GMPS: variants seen among roughly 807,000 people sequenced by gnomAD.
GMPS encodes guanosine monophosphate synthase.
A neutral mutation model predicts 77.9 loss-of-function variants in GMPS; 15 were observed. The ratio of observed to expected loss-of-function variants is 0.19; its 90% CI spans 0.13 to 0.30. GMPS has a LOEUF of 0.30. Ranked by LOEUF, GMPS falls within the 10% of genes least tolerant of loss-of-function variation. GMPS has a pLI of 1.00. For missense variants in GMPS, 590 were observed against 838.8 expected (o/e 0.70, Z 3.66); for synonymous variants, 224 against 275.9 (o/e 0.81, Z 1.86).
At chr3:155,891,066 T>C (rs1416545914) in intron 1 of GMPS, among the ~76,000 whole-genome samples, 1 of 152,242 alleles carries the variant, frequency 6.6e-6, no homozygotes, top group African/African-American at 2.4e-5. Flanking sequence ...TCATCTGTTA[T>C]TTACATGGTG....
At chr3:155,874,408 T>G (rs377304428) in intron 1 of GMPS, among the ~76,000 whole-genome samples, 1 of 152,244 alleles carries the variant, frequency 6.6e-6, no homozygotes, top group South Asian at 2.1e-4. Flanking sequence ...ATTTTAAGTT[T>G]GGAATTTCCA....
chr3:155,897,803 T>C (rs1754637471), intron 2 of GMPS, 124 bp from the exon 3 acceptor site: 3 of 645,498 alleles, frequency 4.6e-6, no homozygotes, highest in Non-Finnish European at 8.5e-6. Flanking sequence ...ATTTGCTACA[T>C]TCTACCAAAA....
At chr3:155,883,964 T>G (rs1424338360) in intron 1 of GMPS, among the ~76,000 whole-genome samples, 2 of 152,136 alleles carry the variant, frequency 1.3e-5, no homozygotes, top group Admixed American at 1.3e-4. Flanking sequence ...TGATACTGGT[T>G]TAAACCTACG....
chr3:155,911,148 G>A lies in GMPS; in HGVS notation c.755G>A (p.Cys252Tyr). Residue 252 changes from cysteine (C) to tyrosine (Y), a missense_variant, in exon 7 of 16, where the codon TGT becomes TAT. Coordinates refer to ENST00000496455, the MANE Select transcript of GMPS (RefSeq NM_003875.3). ...AGTGGTGGAGTAGACTCAACAGTTT[G>A]TACAGCTTTGCTAAATCGTGCTTTG... ...LLSGGVDSTVCTALLNRALNQ... is the reference protein window; with the variant it reads ...LLSGGVDSTVYTALLNRALNQ... 1 of 1,612,988 alleles carries A rather than the reference G, an allele frequency of 6.2e-7. No individual in the cohort carries two copies. Among genetic ancestry groups the A allele is most frequent in the Non-Finnish European group, 8.5e-7 (1 of 1,179,284 alleles).
intron 1 of GMPS, among the ~76,000 whole-genome samples, chr3:155,877,531 G>C (rs557155451): frequency 5.3e-5 from 8 of 151,934 alleles, no homozygotes; most frequent in African/African-American, 1.4e-4. Context: ...CTTCAGCAAG[G>C]GTCCCCATTT....
At chr3:155,904,393 G>A (rs559833139) in intron 4 of GMPS, among the ~76,000 whole-genome samples, 2 of 151,720 alleles carry the variant, frequency 1.3e-5, no homozygotes, top group East Asian at 3.9e-4. Context: ...GGGTTCAAGC[G>A]ATTCTTCTGC....
At chr3:155,926,586 AT>A (rs1220364036) in intron 12 of GMPS, among the ~76,000 whole-genome samples, 6 of 151,466 alleles carry the variant, frequency 4.0e-5, no homozygotes, top group Admixed American at 1.3e-4. Context: ...TAATAAAAAA[AT>A]AAAAAATAAA....
intron 7 of GMPS, among the ~76,000 whole-genome samples, chr3:155,912,002 A>G (rs544706428): frequency 1.3e-5 from 2 of 152,214 alleles, no homozygotes; most frequent in East Asian, 1.9e-4. Context: ...TTAAAGGGCC[A>G]CTAGTAAACT....
chr3:155,871,229 C>T (rs1258846987), intron 1 of GMPS, among the ~76,000 whole-genome samples: 1 of 152,026 alleles, frequency 6.6e-6, no homozygotes, highest in African/African-American at 2.4e-5. Flanking sequence ...GGGGGTAGGG[C>T]GGCGAGCGGG....
chr3:155,927,393 A>G (rs1460097054), intron 12 of GMPS, among the ~76,000 whole-genome samples: 1 of 152,180 alleles, frequency 6.6e-6, no homozygotes, highest in Non-Finnish European at 1.5e-5. Flanking sequence ...GCTGCTACAA[A>G]GGGAGTTGAA....
At chr3:155,894,346 C>G (rs556558033) in intron 2 of GMPS, among the ~76,000 whole-genome samples, 347 of 152,228 alleles carry the variant, frequency 2.3e-3, no homozygotes, top group African/African-American at 8.2e-3. Flanking sequence ...GCCTCAGCCT[C>G]TCGAGTAGCT....
chr3:155,935,186 C>CT (rs1242991598), intron 14 of GMPS, 140 bp downstream of exon 14: 35 of 689,776 alleles, frequency 5.1e-5, no homozygotes, highest in Non-Finnish European at 5.6e-5. Flanking sequence ...TATGATGTTG[C>CT]TTTTTTTTCT....
At chr3:155,896,746 T>A (rs982504085) in intron 2 of GMPS, among the ~76,000 whole-genome samples, 2 of 137,494 alleles carry the variant, frequency 1.5e-5, no homozygotes, top group African/African-American at 4.9e-5. Context: ...TTTTTTTTTT[T>A]TTTTTTATAA....
rs1359096332 is a variant in GMPS, at chr3:155,941,126, CG to C, written c.*3437del. ...CAAATCTTAAAAGGAAGTTCTTGGCCGGGCGCGGTGGCTCATGCCTGTAATC... is the reference window on the plus strand; with the variant it reads ...CAAATCTTAAAAGGAAGTTCTTGGCCGGCGCGGTGGCTCATGCCTGTAATC... On this transcript the variant is annotated 3_prime_UTR_variant, in exon 16 of 16. Transcript: ENST00000496455. 2 of 181,784 alleles carry C rather than the reference CG, an allele frequency of 1.1e-5. No homozygotes were observed. The highest frequency in any genetic ancestry group is 2.3e-5 in the Non-Finnish European group (2 of 85,384). The allele number at this position is 181,784 out of a possible 1,614,324, so 11.3% of individuals were successfully genotyped here.
chr3:155,916,298 TC>T, intron 9 of GMPS, 106 bp downstream of exon 9: 1 of 738,830 alleles, frequency 1.4e-6, no homozygotes, highest in African/African-American at 1.8e-5. Flanking sequence ...CATCACCACA[TC>T]TAATTTTAGA....
At position 155,941,402 on chromosome 3, in the gene GMPS, CAAA is replaced by C. The variant is rs375351109; in HGVS notation, c.*3724_*3726del. On this transcript the variant is annotated 3_prime_UTR_variant, in exon 16 of 16. Coordinates refer to ENST00000496455, the MANE Select transcript of GMPS (RefSeq NM_003875.3). ...CTGGTGAAAGAGCGAGACTCAGTCT[CAAA>C]AAAAAAAAAAAAAGGAAGTTCTTAG... The C allele has an allele frequency of 2.3e-4, 37 of 157,468 alleles. No individual in the cohort carries two copies. The highest frequency in any genetic ancestry group is 8.5e-4 in the East Asian group (8 of 9,408). 9.8% of individuals were successfully genotyped at this position (157,468 alleles called of 1,614,324 possible). A position where few individuals can be genotyped will look rare whatever the true frequency, so the allele number is the denominator to read the frequency against.
At chr3:155,931,939 G>A in intron 13 of GMPS, 59 bp downstream of exon 13, 2 of 778,430 alleles carry the variant, frequency 2.6e-6, no homozygotes, top group South Asian at 3.0e-5. Context: ...ATTTCTTAAG[G>A]GCTTTCAATT....
intron 4 of GMPS, among the ~76,000 whole-genome samples, chr3:155,905,650 A>G (rs1236470032): frequency 1.3e-5 from 2 of 152,154 alleles, no homozygotes; most frequent in African/African-American, 4.8e-5. Flanking sequence ...TTGATTTTGT[A>G]TCTCCCTACT....
chr3:155,906,193 A>C lies in GMPS; in HGVS notation c.456A>C (p.Thr152=), dbSNP rs376751203. ...GLQKEEVVLL[T]HGDSVDKVAD... ...AGAAGGAAGAAGTTGTTTTGCTTAC[A>C]CATGGAGATAGTGTAGACAAAGTAG... The change falls in exon 5 of 16, where the codon ACA becomes ACC. Residue 152 remains threonine, a synonymous_variant. Transcript: ENST00000496455. The C allele has an allele frequency of 5.0e-6, 8 of 1,610,244 alleles. No individual in the cohort carries two copies. The African/African-American group carries it at 9.4e-5, about 19-fold the overall frequency.
Sources: allele counts gnomAD v4.1 joint callset (sites outside exome capture counted in the v4.1 genomes callset), GRCh38; gene constraint gnomAD v4.1.1; transcripts MANE v1.5; gene names NCBI Gene and HGNC (gene_info 2026-07-23, HGNC 2026-07-21).